The following NRG1 variants were observed in gnomAD, a reference collection of about 807,000 sequenced individuals.
NRG1 encodes the protein pro-neuregulin-1, membrane-bound isoform.
In NRG1, 18 loss-of-function variants were observed where a neutral mutation model predicts 63.8. That is an observed-to-expected ratio of 0.28 (90% CI 0.19 to 0.42). The LOEUF is 0.42. Among genes scored for constraint, NRG1 ranks in the 10% least tolerant of loss-of-function variants. NRG1 has a pLI of 1.00. For synonymous variants in NRG1, 302 were observed against 301.3 expected, an observed-to-expected ratio of 1.00 and a Z score of -0.02; for missense variants, 762 against 814.7, an observed-to-expected ratio of 0.94 and a Z score of 0.79.
At chr8:32,275,413 G>T (rs1410664803) in intron 1 of NRG1, among the ~76,000 whole-genome samples, 1 of 152,136 alleles carries the variant, frequency 6.6e-6, no homozygotes. Flanking sequence ...TTAAAATAAG[G>T]CAGGACACAG....
chr8:32,474,045 C>T (rs1824177855), intron 1 of NRG1, among the ~76,000 whole-genome samples: 1 of 152,130 alleles, frequency 6.6e-6, no homozygotes. Flanking sequence ...TTGAGATACC[C>T]TTCCATTTAA....
chr8:32,065,078 A>G (rs1340953929), intron 1 of NRG1, among the ~76,000 whole-genome samples: 1 of 152,002 alleles, frequency 6.6e-6, no homozygotes, highest in African/African-American at 2.4e-5. Context: ...AAAAAATATG[A>G]AAATGCACAT....
At chr8:31,650,730 T>C (rs1804753817) in intron 1 of NRG1, among the ~76,000 whole-genome samples, 1 of 151,948 alleles carries the variant, frequency 6.6e-6, no homozygotes, top group South Asian at 2.1e-4. Context: ...AAAATTTTTC[T>C]CTGTTTCTGT....
At chr8:32,614,043 T>G (rs1323253942) in intron 3 of NRG1, among the ~76,000 whole-genome samples, 1 of 152,068 alleles carries the variant, frequency 6.6e-6, no homozygotes, top group Non-Finnish European at 1.5e-5. Flanking sequence ...TAAATAGAAT[T>G]CAATGCCAGA....
chr8:31,863,821 A>G (rs1223318869), intron 1 of NRG1, among the ~76,000 whole-genome samples: 1 of 152,118 alleles, frequency 6.6e-6, no homozygotes, highest in Non-Finnish European at 1.5e-5. Flanking sequence ...TTTTCAGGAT[A>G]GGTTAGATAT....
At chr8:32,495,107 A>G (rs1827040351) in intron 1 of NRG1, among the ~76,000 whole-genome samples, 1 of 152,208 alleles carries the variant, frequency 6.6e-6, no homozygotes, top group African/African-American at 2.4e-5. Context: ...AATACTAATA[A>G]TTACAGTTAA....
At chr8:32,045,749 C>T (rs1820897399) in intron 1 of NRG1, among the ~76,000 whole-genome samples, 2 of 151,766 alleles carry the variant, frequency 1.3e-5, no homozygotes, top group African/African-American at 4.8e-5. Flanking sequence ...CAATAGGAAA[C>T]AATTGGTATA....
intron 1 of NRG1, among the ~76,000 whole-genome samples, chr8:32,277,996 C>T (rs1336650718): frequency 2.0e-5 from 3 of 152,252 alleles, no homozygotes; most frequent in Non-Finnish European, 2.9e-5. Flanking sequence ...GATTCTCCAA[C>T]ATCCGTGCCA....
chr8:32,094,010 C>G (rs1829554894), intron 1 of NRG1, among the ~76,000 whole-genome samples: 1 of 152,142 alleles, frequency 6.6e-6, no homozygotes, highest in Admixed American at 6.5e-5. Context: ...CTGAGGATGT[C>G]TGCAGCAGAG....
chr8:32,199,188 A>G (rs535571278), intron 1 of NRG1, among the ~76,000 whole-genome samples: 16 of 151,820 alleles, frequency 1.1e-4, no homozygotes, highest in Admixed American at 2.6e-4. Context: ...ACCTAGTTTC[A>G]TTTTGTTTTT....
At chr8:32,134,968 A>G (rs887601829) in intron 1 of NRG1, among the ~76,000 whole-genome samples, 1 of 152,192 alleles carries the variant, frequency 6.6e-6, no homozygotes, top group African/African-American at 2.4e-5. Context: ...TGAATAAAAT[A>G]ACACTTAAAG....
At chr8:32,400,157 G>A (rs4276645) in intron 1 of NRG1, among the ~76,000 whole-genome samples, 37,995 of 152,146 alleles carry the variant, frequency 0.25, 5,270 homozygotes, top group Middle Eastern at 0.36. Context: ...ATTAACCCGA[G>A]CCTAAAATCT....
intron 1 of NRG1, among the ~76,000 whole-genome samples, chr8:32,515,079 C>G (rs766104236): frequency 2.0e-5 from 3 of 152,016 alleles, no homozygotes; most frequent in Non-Finnish European, 4.4e-5. Flanking sequence ...CTGCAATGAA[C>G]ACGTAAGTGT....
chr8:32,539,599 T>C (rs1832374731), intron 1 of NRG1, among the ~76,000 whole-genome samples: 3 of 152,194 alleles, frequency 2.0e-5, no homozygotes, highest in Admixed American at 2.0e-4. Flanking sequence ...TTTGGGCATG[T>C]TTAGTTTCAG....
chr8:32,756,350 C>G (rs538923153), intron 8 of NRG1, 53 bp from the exon 9 acceptor site: 1 of 1,587,020 alleles, frequency 6.3e-7, no homozygotes, highest in African/African-American at 1.4e-5. Flanking sequence ...CTTGGCTCTA[C>G]TATGAAATGA....
At chr8:32,563,220 C>G (rs1483390799) in intron 1 of NRG1, among the ~76,000 whole-genome samples, 1 of 152,092 alleles carries the variant, frequency 6.6e-6, no homozygotes, top group African/African-American at 2.4e-5. Context: ...CCAGGGAAGC[C>G]AAAATATTGG....
intron 3 of NRG1, among the ~76,000 whole-genome samples, chr8:32,609,611 C>G (rs1845987630): frequency 7.3e-6 from 1 of 137,588 alleles, no homozygotes; most frequent in African/African-American, 2.7e-5. Flanking sequence ...TCCTTCCTTC[C>G]TTCCTTCCTT....
At chr8:32,554,624 T>G (rs1834765925) in intron 1 of NRG1, among the ~76,000 whole-genome samples, 1 of 152,226 alleles carries the variant, frequency 6.6e-6, no homozygotes, top group South Asian at 2.1e-4. Flanking sequence ...ATATGTTAAT[T>G]TTTTAAAATT....
intron 1 of NRG1, among the ~76,000 whole-genome samples, chr8:32,181,947 A>G (rs1841473542): frequency 6.6e-6 from 1 of 152,244 alleles, no homozygotes. Flanking sequence ...AATTGTGCTT[A>G]CAGAAAAAAA....
Sources: allele counts gnomAD v4.1 joint callset (sites outside exome capture counted in the v4.1 genomes callset), GRCh38; gene constraint gnomAD v4.1.1; transcripts MANE v1.5; gene names NCBI Gene and HGNC (gene_info 2026-07-23, HGNC 2026-07-21).